TSPAN9: variants seen among roughly 807,000 people sequenced by gnomAD.
The protein encoded by TSPAN9 is tetraspanin-9.
TSPAN9 carries 16 observed loss-of-function variants against 31.0 expected under a neutral mutation model. The ratio of observed to expected loss-of-function variants is 0.52; its 90% confidence interval spans 0.35 to 0.78. TSPAN9 has a LOEUF of 0.78. TSPAN9 is among the 30% of genes least tolerant of loss of function. The pLI is 0.01. For missense variants in TSPAN9, 272 were observed against 312.5 expected (o/e 0.87, Z 0.98); for synonymous variants, 145 against 121.6 (o/e 1.19, Z -1.27).
intron 2 of TSPAN9, among the ~76,000 whole-genome samples, chr12:3,142,214 C>CT (rs1262463947): frequency 6.6e-6 from 1 of 152,184 alleles, no homozygotes; most frequent in Non-Finnish European, 1.5e-5. Flanking sequence ...AGGGAGCCCG[C>CT]TGCCTGCTGT....
chr12:3,109,096 C>A (rs564587969), intron 2 of TSPAN9, among the ~76,000 whole-genome samples: 1 of 151,914 alleles, frequency 6.6e-6, no homozygotes. Context: ...CCACCACGCC[C>A]GGCTAATTTT....
At chr12:3,095,503 A>ACCC (rs761277020) in intron 2 of TSPAN9, among the ~76,000 whole-genome samples, 1 of 76,136 alleles carries the variant, frequency 1.3e-5, no homozygotes, top group African/African-American at 5.9e-5. Flanking sequence ...CGGGGGACTG[A>ACCC]CCCCCCCCCA....
chr12:3,252,085 A>G (rs7956298), intron 3 of TSPAN9, among the ~76,000 whole-genome samples: 10,209 of 151,728 alleles, frequency 0.067, 882 homozygotes, highest in East Asian at 0.37. Context: ...GTTCTGCCCC[A>G]CTAGAGTCTC....
chr12:3,280,203 C>T lies in TSPAN9; in HGVS notation c.331-179C>T, dbSNP rs1353096287. On this transcript the variant is annotated intron_variant, in intron 5 of 8. Transcript: ENST00000011898. The surrounding 1 kb of genome is among the most constrained non-coding windows in gnomAD (Gnocchi z 4.5). ...AACTGGGAGTGTGTGCCTAACCCCG[C>T]ACCTCTGTTGGGCCAGCAGAGGCCC... Among the ~76,000 whole-genome samples the T allele has an allele frequency of 1.3e-5, 2 of 152,094 alleles. No individual in the cohort carries two copies. Among genetic ancestry groups the T allele is most frequent in the African/African-American group, 4.8e-5 (2 of 41,406 alleles).
chr12:3,272,807 A>G (rs1322422476), intron 3 of TSPAN9: 1 of 152,284 alleles, frequency 6.6e-6, no homozygotes, highest in African/African-American at 2.4e-5. Flanking sequence ...CCTCACCCCC[A>G]GAGAAATAGG....
chr12:3,158,788 G>A (rs1349790761), intron 2 of TSPAN9, among the ~76,000 whole-genome samples: 1 of 149,812 alleles, frequency 6.7e-6, no homozygotes, highest in African/African-American at 2.5e-5. Context: ...TTCCTGACAG[G>A]TCTGGAAGCC....
chr12:3,178,766 C>A (rs777237787), intron 2 of TSPAN9, among the ~76,000 whole-genome samples: 10 of 152,158 alleles, frequency 6.6e-5, no homozygotes, highest in Non-Finnish European at 1.2e-4. Context: ...GGTGGGGGTA[C>A]AGGTGGGCCT....
intron 3 of TSPAN9, among the ~76,000 whole-genome samples, chr12:3,236,455 G>A (rs1302771213): frequency 6.6e-6 from 1 of 152,198 alleles, no homozygotes; most frequent in African/African-American, 2.4e-5. Context: ...GGGCTGTACA[G>A]CTGGTAGGTT....
intron 2 of TSPAN9, among the ~76,000 whole-genome samples, chr12:3,194,929 G>A (rs1423506089): frequency 2.0e-5 from 3 of 152,204 alleles, no homozygotes; most frequent in Non-Finnish European, 4.4e-5. Context: ...TAAATGGTTT[G>A]CTCGGCAACG....
chr12:3,158,583 A>G (rs1378835255), intron 2 of TSPAN9, among the ~76,000 whole-genome samples: 2 of 152,224 alleles, frequency 1.3e-5, no homozygotes, highest in Non-Finnish European at 1.5e-5. Flanking sequence ...GTAGCTGGGC[A>G]TGGTGGCGCA....
At chr12:3,271,491 A>G (rs1862676905) in intron 3 of TSPAN9, among the ~76,000 whole-genome samples, 1 of 151,732 alleles carries the variant, frequency 6.6e-6, no homozygotes, top group African/African-American at 2.4e-5. Context: ...AGCCACAGGG[A>G]AGTAGATTCT....
At chr12:3,201,067 C>T in intron 2 of TSPAN9, 110 bp from the exon 3 acceptor site, 1 of 1,061,134 alleles carries the variant, frequency 9.4e-7, no homozygotes, top group South Asian at 1.5e-5. Flanking sequence ...CCGCGGGCTC[C>T]CGGGGCCAGA....
intron 2 of TSPAN9, among the ~76,000 whole-genome samples, chr12:3,110,814 T>C (rs2098318189): frequency 1.3e-5 from 2 of 152,256 alleles, no homozygotes; most frequent in Non-Finnish European, 2.9e-5. Flanking sequence ...GCATTGTTTC[T>C]GGCTAGCGGT....
At position 3,276,488 on chromosome 12, in the gene TSPAN9, G is replaced by C. The variant is rs567430909; in HGVS notation, c.64-1933G>C. ...GGCTGGCCAGGCTCCTTCCCACTCCGGGGCTTTTGCACCTGCTGTTCTCTC... is the reference window on the plus strand; with the variant it reads ...GGCTGGCCAGGCTCCTTCCCACTCCCGGGCTTTTGCACCTGCTGTTCTCTC... On this transcript the variant is annotated intron_variant, in intron 3 of 8. Coordinates refer to ENST00000011898, the MANE Select transcript of TSPAN9 (RefSeq NM_006675.5). Among the ~76,000 whole-genome samples, 13 of 152,228 alleles carry C rather than the reference G, an allele frequency of 8.5e-5. No homozygotes were observed. In the South Asian group the frequency reaches 2.7e-3, roughly 32 times the overall value.
At chr12:3,120,484 C>T (rs2098324559) in intron 2 of TSPAN9, among the ~76,000 whole-genome samples, 1 of 152,230 alleles carries the variant, frequency 6.6e-6, no homozygotes, top group Non-Finnish European at 1.5e-5. Flanking sequence ...CTCTCTTCCC[C>T]AGCTGTGCCA....
At chr12:3,095,630 T>C (rs1485718700) in intron 2 of TSPAN9, among the ~76,000 whole-genome samples, 3 of 86,522 alleles carry the variant, frequency 3.5e-5, no homozygotes, top group Admixed American at 1.0e-4. Context: ...GGCGGAGGGC[T>C]GACCCCCCCC....
intron 3 of TSPAN9, among the ~76,000 whole-genome samples, chr12:3,233,722 A>G (rs931178039): frequency 4.6e-5 from 7 of 152,316 alleles, no homozygotes; most frequent in African/African-American, 1.4e-4. Context: ...GACTGTGTAC[A>G]TTTCTTTCAT....
intron 2 of TSPAN9, among the ~76,000 whole-genome samples, chr12:3,089,486 G>A (rs12828923): frequency 0.36 from 54,870 of 151,080 alleles, 10,466 homozygotes; most frequent in East Asian, 0.68. Flanking sequence ...TAGTAGAGAC[G>A]GGGTTTTACC....
At chr12:3,255,170 C>T (rs1287418298) in intron 3 of TSPAN9, among the ~76,000 whole-genome samples, 1 of 152,228 alleles carries the variant, frequency 6.6e-6, no homozygotes, top group Non-Finnish European at 1.5e-5. Context: ...GGTGCAGGGA[C>T]AGTCAACCTT....
Sources: gnomAD v4.1 joint callset for allele counts (sites outside exome capture counted in the v4.1 genomes callset) on GRCh38, gnomAD v4.1.1 for gene constraint, Gnocchi (gnomAD v3.1) non-coding constraint, MANE v1.5 for transcripts, NCBI Gene and HGNC (gene_info 2026-07-23, HGNC 2026-07-21) for gene names.